TMEM9: variants seen among roughly 807,000 people sequenced by gnomAD.
The protein encoded by TMEM9 is proton-transporting V-type ATPase complex assembly regulator TMEM9.
In TMEM9, 13 loss-of-function variants were observed where a neutral mutation model predicts 22.8. That is an observed-to-expected ratio of 0.57 (90% CI 0.37 to 0.91). The LOEUF is 0.91. TMEM9 is among the 40% of genes least tolerant of loss of function. The probability of loss-of-function intolerance (pLI) is 0.01; values close to 1 mark genes in which losing one functional copy is unlikely to be tolerated. For missense variants in TMEM9, 182 were observed against 238.1 expected, an observed-to-expected ratio of 0.76 and a Z score of 1.55; for synonymous variants, 88 against 93.0, an observed-to-expected ratio of 0.95 and a Z score of 0.31.
At chr1:201,147,064 G>C (rs1189378093) in intron 2 of TMEM9, among the ~76,000 whole-genome samples, 1 of 152,144 alleles carries the variant, frequency 6.6e-6, no homozygotes, top group Non-Finnish European at 1.5e-5. Context: ...ATCAAAACCA[G>C]CTCTCCAAAC....
intron 2 of TMEM9, 69 bp from the exon 3 acceptor site, chr1:201,146,917 C>A (rs1161174284): frequency 6.9e-7 from 1 of 1,452,320 alleles, no homozygotes; most frequent in Admixed American, 1.7e-5. Flanking sequence ...ACCAGAGAAG[C>A]AGGTAGCCAG....
intron 1 of TMEM9, among the ~76,000 whole-genome samples, chr1:201,152,824 C>T (rs1290669950): frequency 6.6e-6 from 1 of 152,182 alleles, no homozygotes; most frequent in Non-Finnish European, 1.5e-5. Flanking sequence ...CAATGAGTGA[C>T]GGGCTTCTTG....
intron 1 of TMEM9, among the ~76,000 whole-genome samples, chr1:201,165,497 C>A (rs559473268): frequency 6.6e-6 from 1 of 150,496 alleles, no homozygotes; most frequent in African/African-American, 2.5e-5. Context: ...AGTGCAATGG[C>A]GCGATCTTGA....
upstream of TMEM9, among the ~76,000 whole-genome samples, chr1:201,156,922 G>T (rs1021168623): frequency 3.9e-5 from 6 of 152,200 alleles, no homozygotes; most frequent in Non-Finnish European, 4.4e-5. Context: ...CAATCACATG[G>T]TCAGAATGTA....
intron 2 of TMEM9, among the ~76,000 whole-genome samples, chr1:201,150,173 T>C (rs1335481357): frequency 2.0e-5 from 3 of 152,220 alleles, no homozygotes; most frequent in African/African-American, 7.2e-5. Context: ...AGCCTTGTTA[T>C]CTGGTGAAGG....
At position 201,143,920 on chromosome 1, in the gene TMEM9, C is replaced by T. The variant is rs370529877; in HGVS notation, c.299G>A (p.Gly100Asp). The T allele has an allele frequency of 1.9e-6, 3 of 1,614,130 alleles. No individual in the cohort carries two copies. Among genetic ancestry groups the T allele is most frequent in the Non-Finnish European group, 1.7e-6 (2 of 1,180,000 alleles). The change falls in exon 4 of 5, where the codon GGT (glycine) becomes GAT (aspartate). Residue 100 changes from glycine to aspartate, a missense_variant. Physicochemically the swap from Gly to Asp is moderately conservative, Grantham distance 94. Coordinates refer to ENST00000367330, the MANE Select transcript of TMEM9 (RefSeq NM_001288565.2). ...GAAGGCCATGTAGAGCAACAGGGCACCCACCACGGACAGGTAGATGACAAT... is the reference window on the plus strand; with the variant it reads ...GAAGGCCATGTAGAGCAACAGGGCATCCACCACGGACAGGTAGATGACAAT... ...VIIVIYLSVV[G>D]ALLLYMAFLM...
intron 3 of TMEM9, among the ~76,000 whole-genome samples, chr1:201,146,394 C>T (rs1193872349): frequency 6.6e-6 from 1 of 152,128 alleles, no homozygotes; most frequent in African/African-American, 2.4e-5. Context: ...CAGCATCTTG[C>T]CCAGAATATA....
At chr1:201,156,613 C>T (rs1470470267), upstream of TMEM9, among the ~76,000 whole-genome samples, 1 of 152,180 alleles carries the variant, frequency 6.6e-6, no homozygotes, top group Non-Finnish European at 1.5e-5. Flanking sequence ...CACTGCCAGT[C>T]GTTATCTTTC....
intron 1 of TMEM9, chr1:201,171,363 G>A (rs537477083): frequency 1.1e-4 from 17 of 152,446 alleles, no homozygotes; most frequent in African/African-American, 4.1e-4. Flanking sequence ...GCGCCTGGAG[G>A]TCACCGCTCC....
intron 1 of TMEM9, among the ~76,000 whole-genome samples, chr1:201,161,733 A>G (rs1665952152): frequency 6.6e-6 from 1 of 152,230 alleles, no homozygotes; most frequent in South Asian, 2.1e-4. Flanking sequence ...TTTTTCGAAG[A>G]GCAGCCTTCA....
At chr1:201,141,604 C>T (rs1486234930) in intron 4 of TMEM9, among the ~76,000 whole-genome samples, 4 of 152,240 alleles carry the variant, frequency 2.6e-5, no homozygotes, top group South Asian at 2.1e-4. Flanking sequence ...GAGGTGAGGG[C>T]GTGTCATCCT....
intron 1 of TMEM9, among the ~76,000 whole-genome samples, chr1:201,170,775 C>T (rs993102813): frequency 3.3e-5 from 5 of 152,218 alleles, no homozygotes; most frequent in Admixed American, 2.6e-4. Context: ...TCCTTTCAGG[C>T]CCGGGCCTCG....
At chr1:201,158,926 C>T (rs1454021443), upstream of TMEM9, among the ~76,000 whole-genome samples, 2 of 152,146 alleles carry the variant, frequency 1.3e-5, no homozygotes, top group African/African-American at 4.8e-5. Context: ...CGTTGGTGCT[C>T]CTGGATAGGG....
At position 201,154,027 on chromosome 1, in the gene TMEM9, T is replaced by A; in HGVS notation, c.-104A>T. ...CACCGCAGCCAGCACGCTAGGCCCT[T>A]AACCATCCGGCCAAGTGGGAATGGG... On this transcript the variant is annotated 5_prime_UTR_variant, in exon 1 of 5. An upstream open reading frame in the 5' UTR gains an earlier in-frame stop. Coordinates refer to ENST00000367330, the MANE Select transcript of TMEM9 (RefSeq NM_001288565.2). The A allele has an allele frequency of 7.3e-7, 1 of 1,373,078 alleles. No homozygotes were observed. The highest frequency in any genetic ancestry group is 9.8e-7 in the Non-Finnish European group (1 of 1,019,850). 85.1% of individuals were successfully genotyped at this position (1,373,078 alleles called of 1,614,324 possible).
intron 3 of TMEM9, chr1:201,144,204 G>C: frequency 5.0e-6 from 2 of 401,250 alleles, no homozygotes; most frequent in South Asian, 6.7e-5. Context: ...GCAGGCAGAT[G>C]ACAGAGGAAG....
Position 201,135,522 on chromosome 1 carries a change from T to G in TMEM9, c.*141A>C. ...ATAGCCAAGTACAACATTTCTAAAG[T>G]TAGGGAGAAGGAGGAAAAATGCCAC... is the stretch of plus-strand genomic sequence containing the variant. On this transcript the variant is annotated 3_prime_UTR_variant, in exon 5 of 5. Coordinates refer to ENST00000367330, the MANE Select transcript of TMEM9 (RefSeq NM_001288565.2). 3 of 821,522 alleles carry G rather than the reference T, an allele frequency of 3.7e-6. No individual in the cohort carries two copies. Among genetic ancestry groups the G allele is most frequent in the Middle Eastern group, 2.7e-4 (1 of 3,662 alleles). 50.9% of individuals were successfully genotyped at this position (821,522 alleles called of 1,614,324 possible). A position where few individuals can be genotyped will look rare whatever the true frequency, so the allele number is the denominator to read the frequency against.
chr1:201,161,729 G>A (rs944514776), intron 1 of TMEM9, among the ~76,000 whole-genome samples: 6 of 151,984 alleles, frequency 3.9e-5, no homozygotes, highest in South Asian at 2.1e-4. Flanking sequence ...ACTCTTTTTC[G>A]AAGAGCAGCC....
chr1:201,146,247 A>G (rs1026208156), intron 3 of TMEM9, among the ~76,000 whole-genome samples: 1 of 152,164 alleles, frequency 6.6e-6, no homozygotes, highest in Non-Finnish European at 1.5e-5. Context: ...GGAAAACACA[A>G]AAGAACCAAT....
At chr1:201,162,535 G>GAA (rs34818227) in intron 1 of TMEM9, among the ~76,000 whole-genome samples, 7 of 114,952 alleles carry the variant, frequency 6.1e-5, no homozygotes, top group Non-Finnish European at 9.0e-5. Context: ...CATACATAGG[G>GAA]AAAAAAAAAA....
Sources: gnomAD v4.1 joint callset for allele counts (sites outside exome capture counted in the v4.1 genomes callset) on GRCh38, gnomAD v4.1.1 for gene constraint, MANE v1.5 for transcripts, NCBI Gene and HGNC (gene_info 2026-07-23, HGNC 2026-07-21) for gene names.